HOXC4: variants seen among roughly 807,000 people sequenced by gnomAD.
The protein encoded by HOXC4 is homeobox protein Hox-C4.
A neutral mutation model predicts 25.5 loss-of-function variants in HOXC4; 15 were observed. The ratio of observed to expected loss-of-function variants is 0.59; its 90% CI spans 0.39 to 0.91. The LOEUF is 0.91. HOXC4 is among the 40% of genes least tolerant of loss of function. The pLI, the probability that HOXC4 is intolerant of heterozygous loss-of-function variation, is 0.00. For missense variants in HOXC4, 342 were observed against 352.4 expected (o/e 0.97, Z 0.24); for synonymous variants, 165 against 148.0 (o/e 1.11, Z -0.83).
intron 1 of HOXC4, among the ~76,000 whole-genome samples, chr12:54,038,952 GAA>G (rs1174245935): frequency 6.6e-6 from 1 of 152,166 alleles, no homozygotes; most frequent in Non-Finnish European, 1.5e-5. Context: ...AGGTTTCTAG[GAA>G]GGAGCAGCAG....
intron 1 of HOXC4, among the ~76,000 whole-genome samples, chr12:54,027,696 G>T (rs1190735328): frequency 1.3e-5 from 2 of 151,994 alleles, no homozygotes; most frequent in Non-Finnish European, 2.9e-5. Context: ...TCCCAACAGA[G>T]GGGTCCTGAG....
chr12:54,028,660 A>G (rs1400094404), intron 1 of HOXC4: 1 of 1,614,126 alleles, frequency 6.2e-7, no homozygotes, highest in Non-Finnish European at 8.5e-7. Context: ...CGTTGCCCAG[A>G]ACCGGATCTA....
chr12:54,030,942 C>T (rs2136441893), intron 1 of HOXC4: 1 of 152,436 alleles, frequency 6.6e-6, no homozygotes, highest in South Asian at 2.1e-4. Flanking sequence ...CACTCGCCTT[C>T]CCCGGAGCCC....
chr12:54,034,370 C>G (rs370344965), intron 1 of HOXC4: 3 of 1,614,204 alleles, frequency 1.9e-6, no homozygotes, highest in Non-Finnish European at 2.5e-6. Flanking sequence ...CCTCACTCGC[C>G]GCAGGCGCAT....
At chr12:54,044,588 G>A (rs1328045747) in intron 1 of HOXC4, among the ~76,000 whole-genome samples, 3 of 152,176 alleles carry the variant, frequency 2.0e-5, no homozygotes, top group Non-Finnish European at 4.4e-5. Context: ...GAGTTCATAG[G>A]AGCTAGGAAT....
chr12:54,054,060 G>A lies in HOXC4; in HGVS notation c.138G>A (p.Gln46=). ...YYGRTRESGF[Q]HHHQELYPPP... ...GCCGGACCAGGGAATCGGGATTCCA[G>A]CATCACCACCAGGAGCTGTACCCAC... Residue 46 remains glutamine (Q), a synonymous_variant, in exon 1 of 2, where the codon CAG becomes CAA. Coordinates refer to ENST00000430889, the MANE Select transcript of HOXC4 (RefSeq NM_153633.3). The A allele has an allele frequency of 6.2e-7, 1 of 1,614,064 alleles. No homozygotes were observed. The highest frequency in any genetic ancestry group is 8.5e-7 in the Non-Finnish European group (1 of 1,180,006).
chr12:54,055,387 C>T lies in HOXC4; in HGVS notation c.*182C>T, dbSNP rs1044937854. 3 of 220,606 alleles carry T rather than the reference C, an allele frequency of 1.4e-5. No individual in the cohort carries two copies. The highest frequency in any genetic ancestry group is 1.7e-5 in the Non-Finnish European group (2 of 116,092). 13.7% of individuals were successfully genotyped at this position (220,606 alleles called of 1,614,324 possible). ...ACAAAACAGATAAACAAACAAGCCCCCTGCCCTCCTCTCCCTCCCACTGTT... is the reference window on the plus strand; with the variant it reads ...ACAAAACAGATAAACAAACAAGCCCTCTGCCCTCCTCTCCCTCCCACTGTT... On this transcript the variant is annotated 3_prime_UTR_variant, in exon 2 of 2. Transcript: ENST00000430889.
chr12:54,019,567 T>C (rs1445268548), intron 1 of HOXC4, among the ~76,000 whole-genome samples: 2 of 152,066 alleles, frequency 1.3e-5, no homozygotes, highest in African/African-American at 4.8e-5. Flanking sequence ...TGGCCGCTGA[T>C]GGGGGGGAAC....
intron 1 of HOXC4, chr12:54,020,492 C>T (rs1940388223): frequency 6.6e-6 from 1 of 152,172 alleles, no homozygotes; most frequent in African/African-American, 2.4e-5. Flanking sequence ...GAGAAGGCGA[C>T]CTTGTTGGGT....
At chr12:54,018,623 G>A (rs1331983603) in intron 1 of HOXC4, among the ~76,000 whole-genome samples, 1 of 152,220 alleles carries the variant, frequency 6.6e-6, no homozygotes, top group Non-Finnish European at 1.5e-5. Context: ...TGAATGTGTT[G>A]CAGTTTGATA....
intron 1 of HOXC4, chr12:54,034,649 G>A (rs1941133666): frequency 3.2e-6 from 2 of 632,064 alleles, no homozygotes; most frequent in Middle Eastern, 8.5e-4. Flanking sequence ...TTGGCATTCC[G>A]CATCCCTACC....
chr12:54,030,006 C>A, intron 1 of HOXC4: 1 of 1,443,892 alleles, frequency 6.9e-7, no homozygotes. Flanking sequence ...CTCCCTCGCT[C>A]CCCACCAACT....
intron 1 of HOXC4, chr12:54,048,037 A>G (rs1241684529): frequency 6.6e-6 from 1 of 152,130 alleles, no homozygotes; most frequent in Non-Finnish European, 1.5e-5. Context: ...CCTCCAACCC[A>G]GGATTCAAAG....
At chr12:54,054,425 T>G (rs2136468698) in intron 1 of HOXC4, 64 bp downstream of exon 1, 22 of 866,492 alleles carry the variant, frequency 2.5e-5, no homozygotes, top group African/African-American at 3.4e-5. Flanking sequence ...CCCACCCTCC[T>G]CGGCCCCCTC....
In HOXC4 at chr12:54,054,297, C is replaced by A; in HGVS notation, c.375C>A (p.Pro125=). ...PACSQPAPDH[P]SSAASKQPIV... Reference sequence around the variant, plus strand: ...GCAGCCAGCCAGCCCCCGACCATCCCTCCAGCGCCGCCAGCAAGCAACCCA... The same window carrying A: ...GCAGCCAGCCAGCCCCCGACCATCCATCCAGCGCCGCCAGCAAGCAACCCA... The change falls in exon 1 of 2, where the codon CCC becomes CCA. Residue 125 remains proline, a synonymous_variant. Coordinates refer to ENST00000430889, the MANE Select transcript of HOXC4 (RefSeq NM_153633.3). 6.2e-7 allele frequency: 1 copy of A among 1,606,658 alleles called. No individual in the cohort carries two copies.
intron 1 of HOXC4, among the ~76,000 whole-genome samples, chr12:54,017,990 G>C (rs897115270): frequency 2.0e-5 from 3 of 152,206 alleles, no homozygotes; most frequent in African/African-American, 7.2e-5. Context: ...GCAGGAAGCC[G>C]GCGCAGCTAG....
At chr12:54,029,608 G>A in intron 1 of HOXC4, 1 of 1,578,016 alleles carries the variant, frequency 6.3e-7, no homozygotes, top group Non-Finnish European at 8.6e-7. Flanking sequence ...GTCTGCAGAG[G>A]ACGCTTTGCT....
At chr12:54,053,139 C>T (rs991087169), upstream of HOXC4, 22 of 152,336 alleles carry the variant, frequency 1.4e-4, no homozygotes, top group African/African-American at 5.3e-4. Flanking sequence ...CTTTTGCCAA[C>T]CACTTCCTGT....
In HOXC4 at chr12:54,055,322, C is replaced by T. The variant is rs1379870340; in HGVS notation, c.*117C>T. ...TATATATATATATATAGGTTCTTTT[C>T]TCTCTTCCTCTCACCTTGTCCCTTG... On this transcript the variant is annotated 3_prime_UTR_variant, in exon 2 of 2. Transcript: ENST00000430889. The T allele has an allele frequency of 2.0e-5, 5 of 244,776 alleles. No individual in the cohort carries two copies. The highest frequency in any genetic ancestry group is 3.5e-5 in the Non-Finnish European group (5 of 141,686). 15.2% of individuals were successfully genotyped at this position (244,776 alleles called of 1,614,324 possible). A position where few individuals can be genotyped will look rare whatever the true frequency, so the allele number is the denominator to read the frequency against.
Sources: allele counts gnomAD v4.1 joint callset (sites outside exome capture counted in the v4.1 genomes callset), GRCh38; gene constraint gnomAD v4.1.1; transcripts MANE v1.5; gene names NCBI Gene and HGNC (gene_info 2026-07-23, HGNC 2026-07-21).